The following DCC variants were observed in gnomAD, a reference collection of about 807,000 sequenced individuals.
DCC encodes the protein DCC netrin 1 receptor.
DCC carries 58 observed loss-of-function variants against 172.5 expected under a neutral mutation model. That is an observed-to-expected ratio of 0.34 (90% CI 0.27 to 0.42). DCC has a LOEUF of 0.42. DCC is among the 10% of genes least tolerant of loss of function. DCC has a pLI of 1.00. For missense variants in DCC, 1,740 were observed against 1,791.0 expected (o/e 0.97, Z 0.51); for synonymous variants, 709 against 644.5 (o/e 1.10, Z -1.52).
intron 15 of DCC, among the ~76,000 whole-genome samples, chr18:53,369,471 T>C (rs540194581): frequency 7.9e-5 from 12 of 152,042 alleles, no homozygotes; most frequent in African/African-American, 2.6e-4. Flanking sequence ...AGAATCCTTC[T>C]ATTTCTTTTT....
chr18:53,087,380 T>G (rs999827982), intron 7 of DCC, among the ~76,000 whole-genome samples: 5 of 151,822 alleles, frequency 3.3e-5, no homozygotes, highest in African/African-American at 1.2e-4. Flanking sequence ...TCATGTGTTT[T>G]TTGGCTGCAT....
chr18:53,252,784 G>C (rs1335327675), intron 12 of DCC, among the ~76,000 whole-genome samples: 1 of 151,886 alleles, frequency 6.6e-6, no homozygotes, highest in African/African-American at 2.4e-5. Context: ...ACAGACTAAA[G>C]CCCTAAGTTG....
chr18:52,347,681 C>G (rs772090738), intron 1 of DCC, among the ~76,000 whole-genome samples: 1 of 152,090 alleles, frequency 6.6e-6, no homozygotes, highest in Non-Finnish European at 1.5e-5. Context: ...GATTAGAAAA[C>G]AGCACCTGAA....
chr18:53,494,846 G>A (rs556507201), intron 26 of DCC, among the ~76,000 whole-genome samples: 1 of 152,272 alleles, frequency 6.6e-6, no homozygotes, highest in East Asian at 1.9e-4. Context: ...CTGTCATTAT[G>A]ATGCTAGCTG....
chr18:53,135,136 T>G (rs2043720479), intron 7 of DCC, among the ~76,000 whole-genome samples: 1 of 152,164 alleles, frequency 6.6e-6, no homozygotes. Flanking sequence ...ACACCCTCTC[T>G]GCACCCTTGC....
At chr18:52,495,834 A>T (rs921068357) in intron 1 of DCC, among the ~76,000 whole-genome samples, 4 of 151,830 alleles carry the variant, frequency 2.6e-5, no homozygotes, top group African/African-American at 9.7e-5. Flanking sequence ...TTAGCAGCTA[A>T]GAATGGTGGC....
At chr18:53,471,387 A>G (rs1304321585) in intron 25 of DCC, among the ~76,000 whole-genome samples, 1 of 152,220 alleles carries the variant, frequency 6.6e-6, no homozygotes, top group Non-Finnish European at 1.5e-5. Context: ...GCTATCAAAT[A>G]GTAGGTCTTA....
intron 21 of DCC, among the ~76,000 whole-genome samples, chr18:53,428,323 T>TAATAATATATAG (rs1568125749): frequency 1.0e-3 from 24 of 23,806 alleles, no homozygotes; most frequent in Admixed American, 4.2e-3. Flanking sequence ...ATATATAATA[T>TAATAATATATAG]AATATAATAT....
chr18:53,196,266 G>A (rs1189511308), intron 9 of DCC, among the ~76,000 whole-genome samples: 2 of 152,134 alleles, frequency 1.3e-5, no homozygotes, highest in Admixed American at 6.5e-5. Context: ...TTAGAAATCA[G>A]CACTTGAAAC....
At chr18:52,341,633 G>T (rs1428677289) in intron 1 of DCC, among the ~76,000 whole-genome samples, 1 of 142,714 alleles carries the variant, frequency 7.0e-6, no homozygotes, top group African/African-American at 2.4e-5. Flanking sequence ...ATTAAAAATG[G>T]CAAAACTGTT....
At chr18:53,035,336 T>A (rs2042078731) in intron 5 of DCC, among the ~76,000 whole-genome samples, 1 of 152,114 alleles carries the variant, frequency 6.6e-6, no homozygotes, top group African/African-American at 2.4e-5. Context: ...AATGGGAATT[T>A]CTTTTATTTT....
chr18:52,822,957 C>T (rs191318973), intron 2 of DCC, among the ~76,000 whole-genome samples: 51 of 152,216 alleles, frequency 3.4e-4, no homozygotes, highest in African/African-American at 1.2e-3. Context: ...TAAGTCAAAA[C>T]ATGAGAAAAT....
chr18:53,194,429 G>T (rs577404087), intron 9 of DCC, among the ~76,000 whole-genome samples: 1 of 152,028 alleles, frequency 6.6e-6, no homozygotes, highest in Non-Finnish European at 1.5e-5. Flanking sequence ...CTGTTGGCCA[G>T]GTTTGGTGGT....
intron 1 of DCC, among the ~76,000 whole-genome samples, chr18:52,619,901 T>A (rs2144857470): frequency 6.6e-6 from 1 of 152,278 alleles, no homozygotes; most frequent in African/African-American, 2.4e-5. Flanking sequence ...TAAGCACCAG[T>A]CATAAATTAA....
intron 2 of DCC, among the ~76,000 whole-genome samples, chr18:52,839,286 T>C (rs1380614137): frequency 6.6e-6 from 1 of 152,118 alleles, no homozygotes; most frequent in Non-Finnish European, 1.5e-5. Context: ...TGTTCAAGTA[T>C]GTTTGTGTGC....
At chr18:52,466,060 A>G (rs545742641) in intron 1 of DCC, among the ~76,000 whole-genome samples, 18 of 152,174 alleles carry the variant, frequency 1.2e-4, no homozygotes, top group Non-Finnish European at 1.6e-4. Context: ...GGATTATTGA[A>G]TTGTGTTTTC....
intron 15 of DCC, among the ~76,000 whole-genome samples, chr18:53,344,250 A>G (rs2057695953): frequency 6.6e-6 from 1 of 151,794 alleles, no homozygotes; most frequent in Non-Finnish European, 1.5e-5. Context: ...TCTAGGTATC[A>G]TTTTACTTGC....
At chr18:53,490,065 T>C (rs1389062452) in intron 26 of DCC, among the ~76,000 whole-genome samples, 3 of 152,204 alleles carry the variant, frequency 2.0e-5, no homozygotes. Context: ...CTTTTAGTTC[T>C]GACATTGTCT....
At chr18:52,916,154 GT>G (rs1252350105) in intron 3 of DCC, among the ~76,000 whole-genome samples, 2 of 151,286 alleles carry the variant, frequency 1.3e-5, no homozygotes, top group African/African-American at 4.9e-5. Flanking sequence ...AGTATAATGG[GT>G]TTTGCATGGT....
Sources: allele counts gnomAD v4.1 joint callset (sites outside exome capture counted in the v4.1 genomes callset), GRCh38; gene constraint gnomAD v4.1.1; transcripts MANE v1.5; gene names NCBI Gene and HGNC (gene_info 2026-07-23, HGNC 2026-07-21).